Variants in SEPTIN3 observed in about 807,000 individuals in gnomAD.
SEPTIN3 encodes the protein septin 3, also known as neuronal-specific septin-3.
SEPTIN3 carries 15 observed loss-of-function variants against 45.1 expected under a neutral mutation model. The observed-to-expected ratio is 0.33, with a 90% CI of 0.22 to 0.51. The LOEUF is 0.51. SEPTIN3 is among the 20% of genes least tolerant of loss of function. The pLI is 0.97. For synonymous variants in SEPTIN3, 148 were observed against 164.8 expected (o/e 0.90, Z 0.78); for missense variants, 289 against 457.2 (o/e 0.63, Z 3.35).
At chr22:41,988,036 A>G (rs1458049198) in intron 6 of SEPTIN3, among the ~76,000 whole-genome samples, 2 of 152,212 alleles carry the variant, frequency 1.3e-5, no homozygotes, top group African/African-American at 2.4e-5. Context: ...GCACAACTGT[A>G]TCAGCAAAGA....
In SEPTIN3 at chr22:41,998,197, C is replaced by G. The variant is rs1271774562; in HGVS notation, c.*1230C>G. 1 of 152,690 alleles carries G rather than the reference C, an allele frequency of 6.5e-6. No individual in the cohort carries two copies. Among genetic ancestry groups the G allele is most frequent in the African/African-American group, 2.4e-5 (1 of 41,460 alleles). 9.5% of individuals were successfully genotyped at this position (152,690 alleles called of 1,614,324 possible). On this transcript the variant is annotated 3_prime_UTR_variant, in exon 12 of 12. Transcript: ENST00000644076. Reference sequence around the variant, plus strand: ...TTGCTAGACTTTATGTGTTGTACAACTAAACATTGCTGTTTGAACAGTAAC... The same window carrying G: ...TTGCTAGACTTTATGTGTTGTACAAGTAAACATTGCTGTTTGAACAGTAAC...
intron 1 of SEPTIN3, 35 bp from the exon 2 acceptor site, chr22:41,971,439 C>T: frequency 2.5e-6 from 1 of 398,848 alleles, no homozygotes; most frequent in Non-Finnish European, 4.4e-6. Flanking sequence ...GCTCCTCACC[C>T]CTGCCTGGCC....
intron 2 of SEPTIN3, among the ~76,000 whole-genome samples, chr22:41,977,552 C>A (rs1297221789): frequency 6.6e-6 from 1 of 151,940 alleles, no homozygotes; most frequent in Non-Finnish European, 1.5e-5. Context: ...TCTGCTCCTG[C>A]GAATGGGAAA....
At chr22:41,981,586 A>G in intron 2 of SEPTIN3, 59 bp from the exon 3 acceptor site, 2 of 1,412,270 alleles carry the variant, frequency 1.4e-6, no homozygotes, top group Non-Finnish European at 1.9e-6. Context: ...CATGGTTTCC[A>G]TGTGACCTCT....
intron 2 of SEPTIN3, among the ~76,000 whole-genome samples, chr22:41,980,428 G>A (rs982367487): frequency 6.6e-6 from 1 of 152,036 alleles, no homozygotes; most frequent in Non-Finnish European, 1.5e-5. Flanking sequence ...GAGCCACCGC[G>A]CCCGGCCATT....
In SEPTIN3 at chr22:41,994,743, A is replaced by G. The variant is rs754988776; in HGVS notation, c.2505+29A>G. ...AGCGTGGACACAGAGGAAAGCCACG[A>G]CAGTAACCCATGACGACCACTTCTC... On this transcript the variant is annotated intron_variant, in intron 11 of 11. Transcript: ENST00000644076. This position sits in a 1 kb window ranked among gnomAD's most constrained non-coding sequence, Gnocchi z 4.2. 3.0e-5 allele frequency: 49 copies of G among 1,613,976 alleles called. No homozygotes were observed. The highest frequency in any genetic ancestry group is 1.6e-4 in the Middle Eastern group (1 of 6,084).
At position 41,971,605 on chromosome 22, in the gene SEPTIN3, G is replaced by A; in HGVS notation, c.113G>A (p.Arg38Lys). The A allele has an allele frequency of 2.5e-6, 1 of 399,072 alleles. No homozygotes were observed. Among genetic ancestry groups the A allele is most frequent in the Non-Finnish European group, 4.4e-6 (1 of 226,146 alleles). The allele number at this position is 399,072 out of a possible 1,614,324, so 24.7% of individuals were successfully genotyped here. A position where few individuals can be genotyped will look rare whatever the true frequency, so the allele number is the denominator to read the frequency against. The change falls in exon 2 of 12, where the codon AGA becomes AAA. Residue 38 changes from arginine to lysine, a missense_variant. By Grantham distance (26) the Arg-to-Lys change is conservative. Around this residue, in one of 3 missense-constraint regions of SEPTIN3, gnomAD observed 200 missense variants for 315.1 expected, o/e 0.63. Coordinates refer to ENST00000644076, the MANE Select transcript of SEPTIN3 (RefSeq NM_001363845.2). ...HVLGRPIRPS[R>K]LPGGGSPLTP... ...CTGGGGCGCCCTATCCGCCCCTCGA[G>A]ACTCCCTGGAGGAGGGTCCCCCCTC...
Position 41,997,149 on chromosome 22 carries a change from T to A in SEPTIN3, c.*182T>A. The A allele has an allele frequency of 8.6e-7, 1 of 1,156,996 alleles. No individual in the cohort carries two copies. Among genetic ancestry groups the A allele is most frequent in the Non-Finnish European group, 1.2e-6 (1 of 837,572 alleles). 71.7% of individuals were successfully genotyped at this position (1,156,996 alleles called of 1,614,324 possible). A position where few individuals can be genotyped will look rare whatever the true frequency, so the allele number is the denominator to read the frequency against. On this transcript the variant is annotated 3_prime_UTR_variant, in exon 12 of 12. Transcript: ENST00000644076. ...ATCCTCCATTTATCCAAACCACTCC[T>A]CTCCTCCCAGTGGAGTGGGGTTCTG...
rs1602408462 is a variant in SEPTIN3 at position 41,972,824 on chromosome 22, C to T, written c.1332C>T (p.Asp444=). ...GTTCAGTTGTGCCAGTAACCCCAGA[C>T]CCAGCCACTGGGAAGACCACACTGG... ...AVGSVVPVTP[D]PATGKTTLGS... is the part of the protein sequence containing the mutation. Residue 444 remains aspartate (D), a synonymous_variant, in exon 2 of 12, where the codon GAC becomes GAT. Transcript: ENST00000644076. 2.8e-5 allele frequency: 11 copies of T among 399,054 alleles called. No individual in the cohort carries two copies. The East Asian group carries it at 3.6e-4, about 13-fold the overall frequency. 24.7% of individuals were successfully genotyped at this position (399,054 alleles called of 1,614,324 possible). A position where few individuals can be genotyped will look rare whatever the true frequency, so the allele number is the denominator to read the frequency against.
intron 6 of SEPTIN3, among the ~76,000 whole-genome samples, 199 bp downstream of exon 6, chr22:41,987,958 C>G (rs939611643): frequency 6.6e-6 from 1 of 152,162 alleles, no homozygotes; most frequent in Admixed American, 6.5e-5. Flanking sequence ...GTTTGACTTT[C>G]TTGCTAGGAG....
rs1042116877 is a variant in SEPTIN3, at chr22:41,997,194, T to C, written c.*227T>C. 15 of 752,114 alleles carry C rather than the reference T, an allele frequency of 2.0e-5. No homozygotes were observed. Among genetic ancestry groups the C allele is most frequent in the South Asian group, 1.5e-4 (8 of 51,776 alleles). The allele number at this position is 752,114 out of a possible 1,614,324, so 46.6% of individuals were successfully genotyped here. ...GTTCTGCCAGTACAGCCCTACTGCATCATCTGCGTCAGCCGGTCCTAGCCC... is the reference window on the plus strand; with the variant it reads ...GTTCTGCCAGTACAGCCCTACTGCACCATCTGCGTCAGCCGGTCCTAGCCC... On this transcript the variant is annotated 3_prime_UTR_variant, in exon 12 of 12. Coordinates refer to ENST00000644076, the MANE Select transcript of SEPTIN3 (RefSeq NM_001363845.2).
intron 8 of SEPTIN3, 127 bp from the exon 9 acceptor site, chr22:41,992,535 ATC>A (rs1288780308): frequency 6.6e-6 from 4 of 609,400 alleles, no homozygotes; most frequent in East Asian, 2.9e-5. Context: ...CATCAGTAGT[ATC>A]TCTGAATGAG....
chr22:41,982,981 C>T (rs1478159888), intron 3 of SEPTIN3, among the ~76,000 whole-genome samples: 2 of 152,078 alleles, frequency 1.3e-5, no homozygotes, highest in African/African-American at 4.8e-5. Flanking sequence ...AGGAATCTGG[C>T]GTCATCCTTC....
chr22:41,974,460 C>T (rs1460146639), intron 2 of SEPTIN3, among the ~76,000 whole-genome samples: 3 of 151,932 alleles, frequency 2.0e-5, no homozygotes, highest in African/African-American at 2.4e-5. Context: ...GTCAGGAGAT[C>T]AAGACCATCC....
intron 11 of SEPTIN3, chr22:41,996,693 C>T (rs2078445785): frequency 2.1e-6 from 3 of 1,432,246 alleles, no homozygotes; most frequent in African/African-American, 1.4e-5. Context: ...AACAGGGATC[C>T]TTGGCTACTG....
intron 3 of SEPTIN3, among the ~76,000 whole-genome samples, chr22:41,984,566 C>T (rs999814589): frequency 1.3e-5 from 2 of 152,218 alleles, no homozygotes; most frequent in Non-Finnish European, 2.9e-5. Flanking sequence ...GACAGAGTCT[C>T]GCTGTGTTGC....
intron 2 of SEPTIN3, 84 bp from the exon 3 acceptor site, chr22:41,981,561 G>C: frequency 8.4e-7 from 1 of 1,186,146 alleles, no homozygotes; most frequent in Non-Finnish European, 1.2e-6. Flanking sequence ...TGATTCTGTA[G>C]CAAGAGAAAA....
At position 41,994,433 on chromosome 22, in the gene SEPTIN3, G is replaced by T. The variant is rs2078387084; in HGVS notation, c.2411+92G>T. 2 of 1,518,882 alleles carry T rather than the reference G, an allele frequency of 1.3e-6. No individual in the cohort carries two copies. Among genetic ancestry groups the T allele is most frequent in the Non-Finnish European group, 9.1e-7 (1 of 1,098,494 alleles). The allele number at this position is 1,518,882 out of a possible 1,614,324, so 94.1% of individuals were successfully genotyped here. On this transcript the variant is annotated intron_variant, in intron 10 of 11. Coordinates refer to ENST00000644076, the MANE Select transcript of SEPTIN3 (RefSeq NM_001363845.2). This position sits in a 1 kb window ranked among gnomAD's most constrained non-coding sequence, Gnocchi z 4.2. ...TCAGATTCACCTCCTGCATCTCCAG[G>T]TCTCTCTGACAGAGCTTTCTGCCCC...
intron 6 of SEPTIN3, 105 bp downstream of exon 6, chr22:41,987,864 C>A: frequency 7.9e-7 from 1 of 1,271,450 alleles, no homozygotes; most frequent in Non-Finnish European, 1.1e-6. Flanking sequence ...GCCTCCCTAG[C>A]TGAGTCCTAG....
Sources: allele counts gnomAD v4.1 joint callset (sites outside exome capture counted in the v4.1 genomes callset), GRCh38; gene constraint gnomAD v4.1.1; regional missense constraint gnomAD v4.1.1; non-coding constraint Gnocchi (gnomAD v3.1); transcripts MANE v1.5; gene names NCBI Gene and HGNC (gene_info 2026-07-23, HGNC 2026-07-21).